UNC45A: variants seen among roughly 807,000 people sequenced by gnomAD.
UNC45A encodes unc-45 myosin chaperone A.
A neutral mutation model predicts 103.2 loss-of-function variants in UNC45A; 78 were observed. The ratio of observed to expected loss-of-function variants is 0.76; its 90% CI spans 0.63 to 0.91. The LOEUF is 0.91. Among genes scored for constraint, UNC45A ranks in the 40% least tolerant of loss-of-function variants. The pLI is 0.00. For missense variants in UNC45A, 1,193 were observed against 1,224.8 expected (o/e 0.97, Z 0.39); for synonymous variants, 495 against 504.6 (o/e 0.98, Z 0.25).
chr15:90,940,368 T>C lies in UNC45A; in HGVS notation c.582T>C (p.Ser194=). Residue 194 remains serine (S), a synonymous_variant, in exon 6 of 20, where the codon AGT becomes AGC. Coordinates refer to ENST00000418476, the MANE Select transcript of UNC45A (RefSeq NM_018671.5). ...EDAGAEKIFR[S]NGVQLLQRLL... is the part of the protein sequence containing the mutation. ...CTGGAGCGGAGAAGATCTTCCGGAG[T>C]AATGGGGTTCAGCTCTTGCAACGTT... 6.2e-7 allele frequency: 1 copy of C among 1,613,864 alleles called. No individual in the cohort carries two copies. Among genetic ancestry groups the C allele is most frequent in the Non-Finnish European group, 8.5e-7 (1 of 1,179,966 alleles).
chr15:90,942,510 C>T lies in UNC45A; in HGVS notation c.761C>T (p.Ser254Phe). The part of the protein sequence containing the change: ...SILGVESQAV[S>F]LAACHLLQVM... ...CTGGGCGTGGAAAGCCAGGCTGTGT[C>T]CCTGGCTGCCTGCCACCTGCTGCAG... Residue 254 changes from serine (S) to phenylalanine (F), a missense_variant, in exon 7 of 20, where the codon TCC becomes TTC. Physicochemically the swap from Ser to Phe is radical, Grantham distance 155 (BLOSUM62 -2). Coordinates refer to ENST00000418476, the MANE Select transcript of UNC45A (RefSeq NM_018671.5). The T allele has an allele frequency of 6.2e-7, 1 of 1,614,164 alleles. No individual in the cohort carries two copies. Among genetic ancestry groups the T allele is most frequent in the Non-Finnish European group, 8.5e-7 (1 of 1,180,038 alleles).
Position 90,953,778 on chromosome 15 carries a change from G to C in UNC45A, c.*62G>C. 2.6e-6 allele frequency: 4 copies of C among 1,566,130 alleles called. No homozygotes were observed. In the South Asian group the frequency reaches 3.5e-5, roughly 14 times the overall value. The stretch of plus-strand genomic sequence containing the variant: ...TACCTATTGTGGCACGGAGAGTAAG[G>C]ACGGAAGCAGCTTTGGCTGGTGGTG... On this transcript the variant is annotated 3_prime_UTR_variant, in exon 20 of 20. Transcript: ENST00000418476.
At position 90,953,594 on chromosome 15, in the gene UNC45A, A is replaced by G; in HGVS notation, c.2713A>G (p.Met905Val). ...TGCCAGCACCCTGATGGAGAGTGAGATGATGGAGATCTTGTCAGTGCTAGC... is the reference window on the plus strand; with the variant it reads ...TGCCAGCACCCTGATGGAGAGTGAGGTGATGGAGATCTTGTCAGTGCTAGC... Reference protein sequence around the residue: ...EIASTLMESEMMEILSVLAKG... With the variant: ...EIASTLMESEVMEILSVLAKG... The change falls in exon 20 of 20, where the codon ATG (methionine) becomes GTG (valine). Residue 905 changes from methionine to valine, a missense_variant. Transcript: ENST00000418476. 1 of 1,614,066 alleles carries G rather than the reference A, an allele frequency of 6.2e-7. No individual in the cohort carries two copies. Among genetic ancestry groups the G allele is most frequent in the Non-Finnish European group, 8.5e-7 (1 of 1,180,004 alleles).
At chr15:90,934,528 T>C (rs1357645697), upstream of UNC45A, 7 of 398,940 alleles carry the variant, frequency 1.8e-5, no homozygotes, top group Admixed American at 1.3e-4. Context: ...CTGTCCGCTC[T>C]TCCGCCCCCG....
chr15:90,935,538 C>A lies in UNC45A; in HGVS notation c.52-6C>A, dbSNP rs774904414. On this transcript the variant is annotated splice_polypyrimidine_tract_variant and splice_region_variant and intron_variant, in intron 1 of 19. Coordinates refer to ENST00000418476, the MANE Select transcript of UNC45A (RefSeq NM_018671.5). ...TCCGACGTTTCCGCCCCCTTTCTCTCTACAGGCCAGCTCAGTGGAGCAGCT... is the reference window on the plus strand; with the variant it reads ...TCCGACGTTTCCGCCCCCTTTCTCTATACAGGCCAGCTCAGTGGAGCAGCT... The A allele has an allele frequency of 1.3e-6, 2 of 1,597,224 alleles. No individual in the cohort carries two copies. The highest frequency in any genetic ancestry group is 1.7e-6 in the Non-Finnish European group (2 of 1,171,772).
At chr15:90,932,736 A>G (rs747366089), upstream of UNC45A, 87 of 397,376 alleles carry the variant, frequency 2.2e-4, no homozygotes, top group Non-Finnish European at 3.4e-4. Context: ...TCAGCATCGC[A>G]GCCCCCAGCT....
At chr15:90,931,772 C>T, upstream of UNC45A, 3 of 1,614,108 alleles carry the variant, frequency 1.9e-6, no homozygotes, top group South Asian at 1.1e-5. Context: ...CAGTTTGGCC[C>T]CGGGGCTACT....
At chr15:90,931,033 C>T (rs1013919774), upstream of UNC45A, 3 of 494,940 alleles carry the variant, frequency 6.1e-6, no homozygotes, top group Non-Finnish European at 1.1e-5. Context: ...GCAAACAGAC[C>T]CAAGACTTGG....
intron 8 of UNC45A, among the ~76,000 whole-genome samples, chr15:90,943,300 G>A (rs1222459346): frequency 6.6e-6 from 1 of 151,904 alleles, no homozygotes; most frequent in African/African-American, 2.4e-5. Flanking sequence ...ATGGTGGTGT[G>A]CATCGGCAGT....
In UNC45A at chr15:90,943,068, G is replaced by A; in HGVS notation, c.1013G>A (p.Trp338Ter). The change falls in exon 8 of 20, where the codon TGG becomes TAG. Residue 338 changes from tryptophan to a stop codon, truncating the protein, a stop_gained. Coordinates refer to ENST00000418476, the MANE Select transcript of UNC45A (RefSeq NM_018671.5). LOFTEE classifies it high-confidence loss of function. ...LKDPNNSLTL[W>*]VIDQGLKKIL... ...GACCCCAACAACAGCCTCACCCTCTGGGTCATCGACCAAGGTAGGTGATAT... is the reference window on the plus strand; with the variant it reads ...GACCCCAACAACAGCCTCACCCTCTAGGTCATCGACCAAGGTAGGTGATAT... 1 of 1,612,642 alleles carries A rather than the reference G, an allele frequency of 6.2e-7. No homozygotes were observed. Among genetic ancestry groups the A allele is most frequent in the Non-Finnish European group, 8.5e-7 (1 of 1,179,236 alleles).
At chr15:90,953,435 A>G (rs940641093) in intron 19 of UNC45A, 24 bp from the exon 20 acceptor site, 5 of 1,611,552 alleles carry the variant, frequency 3.1e-6, no homozygotes, top group South Asian at 1.1e-5. Context: ...CCCAGGGGTC[A>G]TATCTACCCT....
chr15:90,947,548 G>A (rs555255409), intron 10 of UNC45A: 3 of 536,130 alleles, frequency 5.6e-6, no homozygotes, highest in Middle Eastern at 5.1e-4. Context: ...GGGAAGGGGT[G>A]GGGCCCACGA....
chr15:90,933,625 A>G (rs1035839051), upstream of UNC45A: 3 of 154,286 alleles, frequency 1.9e-5, no homozygotes, highest in African/African-American at 7.2e-5. Flanking sequence ...GGGAAGCCCC[A>G]CATGCTGGAA....
intron 9 of UNC45A, among the ~76,000 whole-genome samples, chr15:90,945,319 A>G (rs1176601931): frequency 1.3e-5 from 2 of 151,790 alleles, no homozygotes; most frequent in Non-Finnish European, 1.5e-5. Flanking sequence ...TTTACCAAAC[A>G]CTTCCTACGC....
chr15:90,935,554 T>C lies in UNC45A; in HGVS notation c.62T>C (p.Val21Ala), dbSNP rs772779841. Residue 21 changes from valine (V) to alanine (A), a missense_variant, in exon 2 of 20, where the codon GTG (valine) becomes GCG (alanine). Physicochemically the swap from Val to Ala is moderately conservative, Grantham distance 64. Transcript: ENST00000418476. ...PRPATPGASS[V>A]EQLRKEGNEL... ...CCTTTCTCTCTACAGGCCAGCTCAGTGGAGCAGCTGCGGAAGGAGGGCAAT... is the reference window on the plus strand; with the variant it reads ...CCTTTCTCTCTACAGGCCAGCTCAGCGGAGCAGCTGCGGAAGGAGGGCAAT... 2.5e-6 allele frequency: 4 copies of C among 1,605,776 alleles called. No individual in the cohort carries two copies. In the Admixed American group the frequency reaches 5.1e-5, roughly 21 times the overall value.
intron 5 of UNC45A, 143 bp from the exon 6 acceptor site, chr15:90,940,163 C>A: frequency 1.1e-6 from 1 of 892,068 alleles, no homozygotes; most frequent in Non-Finnish European, 1.7e-6. Context: ...GGAAGCTAAA[C>A]TTCAAAGAGG....
intron 12 of UNC45A, 121 bp from the exon 13 acceptor site, chr15:90,948,533 A>C: frequency 5.4e-6 from 8 of 1,478,178 alleles, no homozygotes; most frequent in African/African-American, 1.4e-5. Context: ...AGTTTCCCGA[A>C]TTCATCCTGT....
upstream of UNC45A, chr15:90,932,296 T>C (rs557074965): frequency 9.7e-6 from 8 of 824,480 alleles, no homozygotes; most frequent in South Asian, 1.1e-4. Flanking sequence ...CCAATTGTTA[T>C]GAGGCTTAAA....
At chr15:90,934,937 C>T (rs2035925296), upstream of UNC45A, 3 of 442,930 alleles carry the variant, frequency 6.8e-6, no homozygotes, top group Non-Finnish European at 1.2e-5. Context: ...CTTTTTCTCT[C>T]CCGCAGGGGC....
Sources: gnomAD v4.1 joint callset for allele counts (sites outside exome capture counted in the v4.1 genomes callset) on GRCh38, gnomAD v4.1.1 for gene constraint, MANE v1.5 for transcripts, NCBI Gene and HGNC (gene_info 2026-07-23, HGNC 2026-07-21) for gene names.